The following KLF12 variants were observed in gnomAD, a reference collection of about 807,000 sequenced individuals.
KLF12 encodes the protein Krueppel-like factor 12.
A neutral mutation model predicts 37.8 loss-of-function variants in KLF12; 9 were observed. That is an observed-to-expected ratio of 0.24 (90% confidence interval 0.14 to 0.42). KLF12 has a LOEUF of 0.42. KLF12 is among the 10% of genes least tolerant of loss of function. The probability of loss-of-function intolerance (pLI) is 1.00; values close to 1 mark genes in which losing one functional copy is unlikely to be tolerated. For synonymous variants in KLF12, 208 were observed against 202.1 expected (o/e 1.03, Z -0.25); for missense variants, 411 against 516.0 (o/e 0.80, Z 1.97).
At chr13:74,229,435 T>C in the KLF12 span, among the ~76,000 whole-genome samples, 1 of 152,198 alleles carries the variant, frequency 6.6e-6, no homozygotes, top group Non-Finnish European at 1.5e-5. Flanking sequence ...AACAATTCTG[T>C]ACTTTCCTCA....
the KLF12 span, among the ~76,000 whole-genome samples, chr13:74,266,989 A>T: frequency 5.9e-5 from 9 of 152,146 alleles, no homozygotes; most frequent in African/African-American, 2.2e-4. Flanking sequence ...TTAGTGTACC[A>T]TTTGAATGCT....
chr13:73,848,559 T>TGC (rs1885149373), intron 3 of KLF12, among the ~76,000 whole-genome samples: 1 of 148,146 alleles, frequency 6.8e-6, no homozygotes, highest in Admixed American at 6.8e-5. Context: ...ATATTATATA[T>TGC]AATATATATA....
At chr13:74,147,908 C>A in the KLF12 span, among the ~76,000 whole-genome samples, 3 of 151,814 alleles carry the variant, frequency 2.0e-5, no homozygotes, top group Admixed American at 6.6e-5. Flanking sequence ...TGTTTTCTCA[C>A]TTCTTTTTTT....
At chr13:73,915,779 G>A (rs1437344872) in intron 3 of KLF12, among the ~76,000 whole-genome samples, 6 of 145,734 alleles carry the variant, frequency 4.1e-5, no homozygotes, top group South Asian at 2.1e-4. Context: ...TGATCCACCC[G>A]TCTTGGCCTC....
rs374643584 is a variant in KLF12 at position 73,758,182 on chromosome 13, C to T, written c.869+6756G>A. The stretch of plus-strand genomic sequence containing the variant: ...CTCAAGTCTCTGGGATTACAGGAAC[C>T]GGTCTACTGCACCCAGCTATTTTAA... On this transcript the variant is annotated intron_variant, in intron 6 of 7. Transcript: ENST00000377669. Among the ~76,000 whole-genome samples, 48 of 152,100 alleles carry T rather than the reference C, an allele frequency of 3.2e-4. 2 individuals are homozygous for T. The South Asian group carries it at 9.7e-3, about 31-fold the overall frequency.
At chr13:73,789,955 T>C (rs551700731) in intron 5 of KLF12, among the ~76,000 whole-genome samples, 95 of 152,230 alleles carry the variant, frequency 6.2e-4, no homozygotes, top group Non-Finnish European at 1.2e-3. Context: ...GGATTACAGG[T>C]GTGAGCCACC....
At chr13:73,721,241 G>A (rs1876222329) in intron 6 of KLF12, among the ~76,000 whole-genome samples, 1 of 152,242 alleles carries the variant, frequency 6.6e-6, no homozygotes, top group African/African-American at 2.4e-5. Flanking sequence ...TCAGACCTGA[G>A]TGGTTGATTC....
chr13:74,078,686 TA>T (rs1308742328), intron 1 of KLF12, among the ~76,000 whole-genome samples: 1 of 152,176 alleles, frequency 6.6e-6, no homozygotes, highest in Non-Finnish European at 1.5e-5. Context: ...TGACACAAAA[TA>T]AATGAAGCAT....
At chr13:74,035,071 G>A (rs2138505644) in intron 1 of KLF12, among the ~76,000 whole-genome samples, 1 of 152,222 alleles carries the variant, frequency 6.6e-6, no homozygotes, top group East Asian at 1.9e-4. Flanking sequence ...GCTCTCGGGT[G>A]GAAGTGATAC....
chr13:73,792,586 T>G (rs778592726), intron 5 of KLF12, among the ~76,000 whole-genome samples: 6 of 152,094 alleles, frequency 3.9e-5, no homozygotes, highest in Non-Finnish European at 8.8e-5. Flanking sequence ...TTATTACTAG[T>G]TAGAAGGGAA....
rs548368387 is a variant in KLF12, at chr13:73,774,328, T to C, written c.807-9328A>G. ...TCTATATATATATATATATAGATTA[T>C]ACATTAAAAAGATACAGTACAAAAT... is the stretch of plus-strand genomic sequence containing the variant. On this transcript the variant is annotated intron_variant, in intron 5 of 7. Coordinates refer to ENST00000377669, the MANE Select transcript of KLF12 (RefSeq NM_007249.5). 2.0e-3 allele frequency among the ~76,000 whole-genome samples: 310 copies of C among 151,512 alleles called. 1 individual carries two copies. Among genetic ancestry groups the C allele is most frequent in the Middle Eastern group, 0.017 (5 of 290 alleles).
chr13:74,282,919 T>C, the KLF12 span, among the ~76,000 whole-genome samples: 1 of 152,208 alleles, frequency 6.6e-6, no homozygotes, highest in Non-Finnish European at 1.5e-5. Context: ...AACCTCCTAG[T>C]GTTCTATTTT....
chr13:74,174,179 C>G, the KLF12 span, among the ~76,000 whole-genome samples: 2 of 152,126 alleles, frequency 1.3e-5, no homozygotes, highest in Non-Finnish European at 2.9e-5. Context: ...TCTTTGCCAT[C>G]TTTGTCAGGC....
the KLF12 span, among the ~76,000 whole-genome samples, chr13:74,302,683 C>G: frequency 2.2e-4 from 33 of 152,086 alleles, no homozygotes; most frequent in African/African-American, 8.0e-4. Flanking sequence ...TCTCATCATT[C>G]CGCTCAAGGG....
chr13:73,730,646 G>A (rs866459418), intron 6 of KLF12, among the ~76,000 whole-genome samples: 1 of 152,074 alleles, frequency 6.6e-6, no homozygotes, highest in Admixed American at 6.5e-5. Flanking sequence ...GAAAGTCAGG[G>A]CAAGCTTAAT....
chr13:74,201,260 C>G, the KLF12 span, among the ~76,000 whole-genome samples: 1 of 152,166 alleles, frequency 6.6e-6, no homozygotes, highest in African/African-American at 2.4e-5. Flanking sequence ...CATGTCCAGT[C>G]TAAACCTTTG....
chr13:73,787,994 G>A lies in KLF12; in HGVS notation c.807-22994C>T, dbSNP rs182972627. 4.5e-4 allele frequency among the ~76,000 whole-genome samples: 69 copies of A among 152,138 alleles called. 1 individual carries two copies. The highest frequency in any genetic ancestry group is 2.9e-5 in the Non-Finnish European group (2 of 67,990). On this transcript the variant is annotated intron_variant, in intron 5 of 7. Transcript: ENST00000377669. ...TTGTAATAGACTGTATTTAATAAAA[G>A]TATTTTAGGTAATAAAAACACACTT...
chr13:74,155,737 C>A, the KLF12 span, among the ~76,000 whole-genome samples: 2 of 152,216 alleles, frequency 1.3e-5, no homozygotes, highest in Non-Finnish European at 2.9e-5. Flanking sequence ...ATAGCTTATA[C>A]ACGGCCAATT....
chr13:74,002,959 C>G (rs1566500122), intron 1 of KLF12, among the ~76,000 whole-genome samples: 3 of 152,158 alleles, frequency 2.0e-5, no homozygotes, highest in Non-Finnish European at 4.4e-5. Context: ...AATTATAACA[C>G]TAATATCTAC....
Sources: gnomAD v4.1 joint callset for allele counts (sites outside exome capture counted in the v4.1 genomes callset) on GRCh38, gnomAD v4.1.1 for gene constraint, MANE v1.5 for transcripts, NCBI Gene and HGNC (gene_info 2026-07-23, HGNC 2026-07-21) for gene names.